ARL10: variants seen among roughly 807,000 people sequenced by gnomAD.
ARL10 encodes the protein ARF like GTPase 10.
A neutral mutation model predicts 26.1 loss-of-function variants in ARL10; 23 were observed. The observed-to-expected ratio is 0.88, with a 90% CI of 0.63 to 1.25. The LOEUF (loss-of-function observed/expected upper bound fraction) is 1.25, where lower values mean the gene tolerates loss of function less well. Ranked by LOEUF, ARL10 falls within the 50% of genes most tolerant of loss-of-function variation. The pLI is 0.00. For synonymous variants in ARL10, 138 were observed against 149.1 expected (o/e 0.93, Z 0.54); for missense variants, 300 against 323.6 (o/e 0.93, Z 0.56).
chr5:176,388,100 G>T (rs775227564), intron 1 of ARL10: 19 of 646,826 alleles, frequency 2.9e-5, no homozygotes, highest in Non-Finnish European at 5.2e-5. Context: ...TCAGTTGAGC[G>T]TTCTGACTGT....
At position 176,366,409 on chromosome 5, in the gene ARL10, G is replaced by C. The variant is rs1464433185; in HGVS notation, c.213G>C (p.Ala71=). ...AGGACGAGGAGGACGAGGAGCCGGC[G>C]CTGGAGGAGCTGGAACAGCGCGAGG... The part of the protein sequence containing the change: ...DPEDEEDEEP[A]LEELEQREVL... Residue 71 remains alanine, a synonymous_variant, in exon 2 of 4, where the codon GCG becomes GCC. Transcript: ENST00000310389. 3 of 1,611,412 alleles carry C rather than the reference G, an allele frequency of 1.9e-6. No homozygotes were observed. Among genetic ancestry groups the C allele is most frequent in the African/African-American group, 2.7e-5 (2 of 75,022 alleles).
At chr5:176,390,859 G>T (rs544077429), downstream of ARL10, among the ~76,000 whole-genome samples, 180 of 152,308 alleles carry the variant, frequency 1.2e-3, no homozygotes, top group African/African-American at 4.0e-3. Flanking sequence ...TGTACATAGT[G>T]TTTGAGGGTT....
the ARL10 span, among the ~76,000 whole-genome samples, chr5:176,410,826 C>T: frequency 6.6e-6 from 1 of 151,970 alleles, no homozygotes; most frequent in Non-Finnish European, 1.5e-5. Flanking sequence ...TTGCAGTTCC[C>T]ACCAGAAGCA....
rs1362726407 is a variant in ARL10, at chr5:176,372,126, T to C, written c.*231T>C. On this transcript the variant is annotated 3_prime_UTR_variant, in exon 4 of 4. Transcript: ENST00000310389. ...TGGGTGAGACAGAGGGTGGGGAGGA[T>C]AGTGTCTGGCTCATTCCAGGCTGGA... The C allele has an allele frequency of 2.2e-6, 3 of 1,374,654 alleles. No homozygotes were observed. The highest frequency in any genetic ancestry group is 2.7e-5 in the East Asian group (1 of 37,092). 85.2% of individuals were successfully genotyped at this position (1,374,654 alleles called of 1,614,324 possible). A position where few individuals can be genotyped will look rare whatever the true frequency, so the allele number is the denominator to read the frequency against.
intron 1 of ARL10, chr5:176,388,257 G>A (rs376625530): frequency 6.2e-7 from 1 of 1,613,452 alleles, no homozygotes; most frequent in Non-Finnish European, 8.5e-7. Context: ...GAGGGGCACC[G>A]CCCTGTTGGG....
downstream of ARL10, chr5:176,405,972 C>T (rs1239366262): frequency 5.2e-6 from 1 of 193,600 alleles, no homozygotes; most frequent in Non-Finnish European, 9.4e-6. Flanking sequence ...GGGCCCCACA[C>T]CTGCTGGCCC....
intron 1 of ARL10, among the ~76,000 whole-genome samples, chr5:176,399,063 C>T (rs1756688516): frequency 6.6e-6 from 1 of 152,028 alleles, no homozygotes; most frequent in Non-Finnish European, 1.5e-5. Flanking sequence ...AGGCTGATCT[C>T]GAACTCCCGA....
At position 176,368,204 on chromosome 5, in the gene ARL10, A is replaced by G. The variant is rs1394647542; in HGVS notation, c.386-603A>G. On this transcript the variant is annotated intron_variant, in intron 2 of 3. Transcript: ENST00000310389. The surrounding 1 kb of genome is among the most constrained non-coding windows in gnomAD (Gnocchi z 4.1). ...GGACTGTGTTGGCAACCATGTGTTC[A>G]TAGGATGAAATATGACATTTCCAAG... 6.6e-6 allele frequency among the ~76,000 whole-genome samples: 1 copy of G among 152,188 alleles called. No homozygotes were observed. Among genetic ancestry groups the G allele is most frequent in the Non-Finnish European group, 1.5e-5 (1 of 68,034 alleles).
At chr5:176,388,753 C>T (rs975640711), downstream of ARL10, 48 of 1,569,718 alleles carry the variant, frequency 3.1e-5, no homozygotes, top group Admixed American at 3.6e-4. Context: ...TTCCCCGCCC[C>T]TTTCATGACC....
Position 176,368,171 on chromosome 5 carries a change from A to G in ARL10, c.386-636A>G. The G allele has an allele frequency of 2.5e-6, 1 of 398,726 alleles. No homozygotes were observed. Among genetic ancestry groups the G allele is most frequent in the Non-Finnish European group, 4.9e-6 (1 of 204,032 alleles). 24.7% of individuals were successfully genotyped at this position (398,726 alleles called of 1,614,324 possible). ...GCAGAGAGGAAAAGAAAGGTGATCC[A>G]GGCTGGGGGACTGTGTTGGCAACCA... On this transcript the variant is annotated intron_variant, in intron 2 of 3. Coordinates refer to ENST00000310389, the MANE Select transcript of ARL10 (RefSeq NM_173664.6). The surrounding 1 kb of genome is among the most constrained non-coding windows in gnomAD (Gnocchi z 4.1).
At chr5:176,400,851 T>C (rs538990871) in intron 1 of ARL10, among the ~76,000 whole-genome samples, 61 of 152,270 alleles carry the variant, frequency 4.0e-4, no homozygotes, top group African/African-American at 1.4e-3. Flanking sequence ...AGTGGCTGAA[T>C]GAGCAAAGAC....
rs1358070778 is a variant in ARL10 at position 176,373,108 on chromosome 5, A to G, written c.*1213A>G. Reference sequence around the variant, plus strand: ...GGTAGATAAGAAATGACTCTGGGAGAGGATTTCCCTTATGTGAATCTAGGT... The same window carrying G: ...GGTAGATAAGAAATGACTCTGGGAGGGGATTTCCCTTATGTGAATCTAGGT... On this transcript the variant is annotated 3_prime_UTR_variant, in exon 4 of 4. Transcript: ENST00000310389. 3 of 398,614 alleles carry G rather than the reference A, an allele frequency of 7.5e-6. No individual in the cohort carries two copies. Among genetic ancestry groups the G allele is most frequent in the Middle Eastern group, 6.3e-4 (1 of 1,588 alleles). The allele number at this position is 398,614 out of a possible 1,614,324, so 24.7% of individuals were successfully genotyped here. A position where few individuals can be genotyped will look rare whatever the true frequency, so the allele number is the denominator to read the frequency against.
chr5:176,371,627 G>A, intron 3 of ARL10, 95 bp from the exon 4 acceptor site: 1 of 851,094 alleles, frequency 1.2e-6, no homozygotes, highest in Non-Finnish European at 1.9e-6. Flanking sequence ...ATATTCCCGG[G>A]GATAGCCTAA....
chr5:176,410,170 G>A, the ARL10 span: 13 of 1,151,290 alleles, frequency 1.1e-5, no homozygotes, highest in South Asian at 1.7e-4. Context: ...GGAGAACCTG[G>A]AGCTGTAAGC....
chr5:176,397,881 A>AC, intron 1 of ARL10: 1 of 1,534,978 alleles, frequency 6.5e-7, no homozygotes, highest in Non-Finnish European at 9.0e-7. Flanking sequence ...CCCACACTCC[A>AC]CCCCACACAC....
intron 3 of ARL10, chr5:176,369,318 C>T (rs1768449949): frequency 1.2e-6 from 1 of 843,864 alleles, no homozygotes; most frequent in South Asian, 1.7e-5. Flanking sequence ...CTGCAACCTC[C>T]ACCTCCCGGG....
intron 2 of ARL10, 135 bp downstream of exon 2, chr5:176,366,716 G>A: frequency 9.4e-7 from 1 of 1,069,218 alleles, no homozygotes; most frequent in East Asian, 2.6e-5. Context: ...CCGCTCTCCG[G>A]GGCACAGGAT....
Position 176,375,291 on chromosome 5 carries a change from T to TCCATCCACCCAC in ARL10, c.*3403_*3404insCCCACCCATCCA. On this transcript the variant is annotated 3_prime_UTR_variant, in exon 4 of 4. Coordinates refer to ENST00000310389, the MANE Select transcript of ARL10 (RefSeq NM_173664.6). The stretch of plus-strand genomic sequence containing the variant: ...ATCCACCCATCCATCCATCCACCCA[T>TCCATCCACCCAC]CCATCCATCCATCCATCCATCCATC... The TCCATCCACCCAC allele has an allele frequency of 7.6e-6, 1 of 132,332 alleles. No homozygotes were observed. Among genetic ancestry groups the TCCATCCACCCAC allele is most frequent in the Middle Eastern group, 3.8e-3 (1 of 260 alleles). 8.2% of individuals were successfully genotyped at this position (132,332 alleles called of 1,614,324 possible).
downstream of ARL10, chr5:176,383,819 A>T (rs1343446998): frequency 9.2e-6 from 6 of 655,536 alleles, no homozygotes; most frequent in East Asian, 1.6e-4. Context: ...GGCCGTGCCT[A>T]GAAGAGCAAG....
Sources: allele counts gnomAD v4.1 joint callset (sites outside exome capture counted in the v4.1 genomes callset), GRCh38; gene constraint gnomAD v4.1.1; non-coding constraint Gnocchi (gnomAD v3.1); transcripts MANE v1.5; gene names NCBI Gene and HGNC (gene_info 2026-07-23, HGNC 2026-07-21).